CLCA2: variants seen among roughly 807,000 people sequenced by gnomAD.
The protein encoded by CLCA2 is chloride channel accessory 2.
Under a neutral mutation model 82.9 loss-of-function variants are expected in CLCA2, and 85 were observed. The observed-to-expected ratio is 1.03, with a 90% confidence interval of 0.86 to 1.23. The LOEUF (loss-of-function observed/expected upper bound fraction) is 1.23, where lower values mean the gene tolerates loss of function less well. CLCA2 is among the 50% of genes most tolerant of loss of function. The pLI, the probability that CLCA2 is intolerant of heterozygous loss-of-function variation, is 0.00. For missense variants in CLCA2, 1,089 were observed against 1,124.8 expected, an observed-to-expected ratio of 0.97 and a Z score of 0.45; for synonymous variants, 421 against 391.7, an observed-to-expected ratio of 1.07 and a Z score of -0.88.
intron 10 of CLCA2, among the ~76,000 whole-genome samples, chr1:86,446,617 C>T (rs1241079960): frequency 1.3e-5 from 2 of 152,044 alleles, no homozygotes; most frequent in South Asian, 2.1e-4. Flanking sequence ...CTCATGAATC[C>T]CAATGAAGAA....
chr1:86,436,292 A>G (rs934917939), intron 6 of CLCA2, among the ~76,000 whole-genome samples: 1 of 152,218 alleles, frequency 6.6e-6, no homozygotes, highest in Non-Finnish European at 1.5e-5. Context: ...GGTTTCACAC[A>G]TGGAAGAGTA....
intron 9 of CLCA2, among the ~76,000 whole-genome samples, chr1:86,443,133 T>C (rs1048871557): frequency 1.3e-5 from 2 of 152,114 alleles, no homozygotes; most frequent in African/African-American, 4.8e-5. Flanking sequence ...TTCAAGCAAT[T>C]TCCCTGCCTC....
At chr1:86,425,906 A>G (rs555008615) in intron 2 of CLCA2, among the ~76,000 whole-genome samples, 3 of 152,324 alleles carry the variant, frequency 2.0e-5, no homozygotes, top group South Asian at 4.1e-4. Flanking sequence ...TATGACTGCC[A>G]TCTTATGCCA....
intron 10 of CLCA2, 48 bp from the exon 11 acceptor site, chr1:86,447,460 G>A (rs534908198): frequency 3.2e-6 from 5 of 1,576,416 alleles, no homozygotes; most frequent in Non-Finnish European, 4.3e-6. Context: ...TAAAATTAGG[G>A]TTGATTTTTT....
At position 86,438,135 on chromosome 1, in the gene CLCA2, A is replaced by T. The variant is rs575759652; in HGVS notation, c.973-741A>T. On this transcript the variant is annotated intron_variant, in intron 6 of 13. Transcript: ENST00000370565. ...TGCAGGTCTAGATCCACCCAGGAAG[A>T]TGCTTGAGTTGGAGATAGAGATCAG... 2.0e-5 allele frequency among the ~76,000 whole-genome samples: 3 copies of T among 152,272 alleles called. No homozygotes were observed. In the South Asian group the frequency reaches 6.2e-4, roughly 32 times the overall value.
At chr1:86,438,766 T>C in intron 6 of CLCA2, 110 bp from the exon 7 acceptor site, 1 of 865,822 alleles carries the variant, frequency 1.2e-6, no homozygotes, top group South Asian at 1.6e-5. Flanking sequence ...AAAATTATGA[T>C]CCAACATCTC....
At chr1:86,453,968 G>A (rs1048011964) in intron 13 of CLCA2, among the ~76,000 whole-genome samples, 1 of 152,168 alleles carries the variant, frequency 6.6e-6, no homozygotes, top group African/African-American at 2.4e-5. Context: ...TTTATCAGTA[G>A]GCTTTGGGGA....
At chr1:86,430,834 T>A in intron 3 of CLCA2, 28 bp from the exon 4 acceptor site, 1 of 1,581,290 alleles carries the variant, frequency 6.3e-7, no homozygotes, top group Non-Finnish European at 8.7e-7. Flanking sequence ...TTTTAGAAGC[T>A]CAAAAGCAAA....
rs764238169 is a variant in CLCA2, at chr1:86,441,550, A to G, written c.1488+7A>G. The G allele has an allele frequency of 1.7e-5, 27 of 1,575,524 alleles. No homozygotes were observed. Among genetic ancestry groups the G allele is most frequent in the Admixed American group, 1.3e-4 (8 of 59,716 alleles). ...TTTCCAGCAACATATTCAGGTCAGA[A>G]TTTTCTCAATGTTATATTTCCAGGT... On this transcript the variant is annotated splice_region_variant and intron_variant, in intron 9 of 13. Transcript: ENST00000370565.
Position 86,438,978 on chromosome 1 carries a change from G to T in CLCA2, c.1075G>T (p.Glu359Ter), listed in dbSNP as rs1461498083. 1 of 1,614,132 alleles carries T rather than the reference G, an allele frequency of 6.2e-7. No homozygotes were observed. Among genetic ancestry groups the T allele is most frequent in the Non-Finnish European group, 8.5e-7 (1 of 1,180,002 alleles). ...CATTGCCAGTTTCGACAGCAAAGGA[G>T]AGATCAGAGCCCAGCTACACCAAAT... ...VGIASFDSKGEIRAQLHQINS... is the reference protein window; with the variant it reads ...VGIASFDSKG The change falls in exon 7 of 14, where the codon GAG (glutamate) becomes TAG (stop). Residue 359 changes from glutamate to a stop codon, truncating the protein, a stop_gained. Coordinates refer to ENST00000370565, the MANE Select transcript of CLCA2 (RefSeq NM_006536.7). LOFTEE classifies it high-confidence loss of function.
intron 11 of CLCA2, among the ~76,000 whole-genome samples, chr1:86,449,186 T>G (rs17129184): frequency 0.027 from 4,136 of 152,354 alleles, 191 homozygotes; most frequent in African/African-American, 0.094. Context: ...GTAATAAAAC[T>G]TATACCTCTG....
At chr1:86,427,386 A>T (rs1489957286) in intron 2 of CLCA2, among the ~76,000 whole-genome samples, 1 of 152,102 alleles carries the variant, frequency 6.6e-6, no homozygotes, top group Non-Finnish European at 1.5e-5. Flanking sequence ...CCTTGGCTTG[A>T]ATTCTTATCT....
intron 11 of CLCA2, among the ~76,000 whole-genome samples, chr1:86,449,555 T>A (rs548299830): frequency 2.0e-5 from 3 of 152,262 alleles, no homozygotes; most frequent in Non-Finnish European, 2.9e-5. Context: ...TCTAAATCTA[T>A]CTTGATAATA....
intron 13 of CLCA2, 103 bp from the exon 14 acceptor site, chr1:86,454,981 TA>T: frequency 1.6e-6 from 1 of 612,624 alleles, no homozygotes; most frequent in Non-Finnish European, 2.7e-6. Context: ...TGTTTATTTC[TA>T]AATATTTTGA....
At chr1:86,442,679 A>AT (rs138444611) in intron 9 of CLCA2, among the ~76,000 whole-genome samples, 14,209 of 152,314 alleles carry the variant, frequency 0.093, 742 homozygotes, top group Middle Eastern at 0.16. Context: ...GATTTGAGCA[A>AT]TTAACGAAGC....
intron 8 of CLCA2, 80 bp from the exon 9 acceptor site, chr1:86,441,357 C>G: frequency 1.2e-6 from 1 of 833,256 alleles, no homozygotes; most frequent in South Asian, 1.9e-5. Flanking sequence ...GCAAAGAAAG[C>G]TTGTTGGAAA....
In CLCA2 at chr1:86,432,547, T is replaced by C. The variant is rs1287451668; in HGVS notation, c.744+19T>C. ...ATCTTCTGTAAGTATGCCCTTGGAA[T>C]GACACACTCTTGCAGGATTCCTTCT... is the stretch of plus-strand genomic sequence containing the variant. On this transcript the variant is annotated intron_variant, in intron 5 of 13. Coordinates refer to ENST00000370565, the MANE Select transcript of CLCA2 (RefSeq NM_006536.7). The C allele has an allele frequency of 1.9e-6, 3 of 1,609,192 alleles. No homozygotes were observed. The highest frequency in any genetic ancestry group is 3.4e-5 in the Admixed American group (2 of 58,964).
intron 8 of CLCA2, among the ~76,000 whole-genome samples, chr1:86,441,035 T>C (rs975461606): frequency 6.6e-6 from 1 of 152,240 alleles, no homozygotes; most frequent in Non-Finnish European, 1.5e-5. Flanking sequence ...AAAATGGGCA[T>C]GCTGATTTGA....
intron 4 of CLCA2, 85 bp downstream of exon 4, chr1:86,431,055 T>A: frequency 2.2e-6 from 2 of 896,728 alleles, no homozygotes; most frequent in Non-Finnish European, 3.4e-6. Flanking sequence ...AATTGCCTAA[T>A]TTAAGCAATT....
Sources: gnomAD v4.1 joint callset for allele counts (sites outside exome capture counted in the v4.1 genomes callset) on GRCh38, gnomAD v4.1.1 for gene constraint, MANE v1.5 for transcripts, NCBI Gene and HGNC (gene_info 2026-07-23, HGNC 2026-07-21) for gene names.